HSPA4L: variants seen among roughly 807,000 people sequenced by gnomAD.
HSPA4L encodes heat shock protein family A (Hsp70) member 4 like.
Under a neutral mutation model 100.3 loss-of-function variants are expected in HSPA4L, and 48 were observed. The ratio of observed to expected loss-of-function variants is 0.48; its 90% CI spans 0.38 to 0.61. The LOEUF (loss-of-function observed/expected upper bound fraction) is 0.61, where lower values mean the gene tolerates loss of function less well. Ranked by LOEUF, HSPA4L falls within the 20% of genes least tolerant of loss-of-function variation. HSPA4L has a pLI of 0.00. For missense variants in HSPA4L, 886 were observed against 988.6 expected, an observed-to-expected ratio of 0.90 and a Z score of 1.39; for synonymous variants, 319 against 328.2, an observed-to-expected ratio of 0.97 and a Z score of 0.30.
rs1734302545 is a variant in HSPA4L at position 127,839,110 on chromosome 4, C to G, written c.*6236C>G. ...TCCAAATATCAATTTGACAGAATAA[C>G]AAGGGTCAGAAATTCAAAATAGCTG... On this transcript the variant is annotated 3_prime_UTR_variant, in exon 19 of 19. Coordinates refer to ENST00000296464, the MANE Select transcript of HSPA4L (RefSeq NM_014278.4). 6.6e-6 allele frequency: 1 copy of G among 152,120 alleles called. No homozygotes were observed. The highest frequency in any genetic ancestry group is 1.5e-5 in the Non-Finnish European group (1 of 68,024). The allele number at this position is 152,120 out of a possible 1,614,324, so 9.4% of individuals were successfully genotyped here.
At position 127,838,692 on chromosome 4, in the gene HSPA4L, CTT is replaced by C. The variant is rs1268168599; in HGVS notation, c.*5820_*5821del. On this transcript the variant is annotated 3_prime_UTR_variant, in exon 19 of 19. Transcript: ENST00000296464. Reference sequence around the variant, plus strand: ...CATATAAACTATAAATGAAAATGATCTTTGTCTTTCCTTTATCTTGCTTTATC... The same window carrying C: ...CATATAAACTATAAATGAAAATGATCTGTCTTTCCTTTATCTTGCTTTATC... 7.2e-5 allele frequency: 11 copies of C among 152,114 alleles called. No homozygotes were observed. Among genetic ancestry groups the C allele is most frequent in the South Asian group, 2.1e-4 (1 of 4,820 alleles). 9.4% of individuals were successfully genotyped at this position (152,114 alleles called of 1,614,324 possible).
At chr4:127,816,822 T>C (rs1167768455) in intron 12 of HSPA4L, among the ~76,000 whole-genome samples, 1 of 152,224 alleles carries the variant, frequency 6.6e-6, no homozygotes, top group Non-Finnish European at 1.5e-5. Flanking sequence ...AAATAACTAC[T>C]TAATCTGGTT....
In HSPA4L at chr4:127,795,868, A is replaced by T. The variant is rs767103769; in HGVS notation, c.266A>T (p.Tyr89Phe). The T allele has an allele frequency of 1.2e-6, 2 of 1,613,772 alleles. No individual in the cohort carries two copies. The highest frequency in any genetic ancestry group is 3.3e-4 in the Middle Eastern group (2 of 6,058). The change falls in exon 3 of 19, where the codon TAT becomes TTT. Residue 89 changes from tyrosine to phenylalanine, a missense_variant. Physicochemically the swap from Tyr to Phe is conservative, Grantham distance 22. Transcript: ENST00000296464. ...IVQTERIRLPYELQKMPNGSA... is the reference protein window; with the variant it reads ...IVQTERIRLPFELQKMPNGSA... ...CAAACTGAAAGGATCAGGCTTCCCT[A>T]TGAACTGCAGAAAATGCCTAATGGA...
At chr4:127,812,980 A>G in intron 12 of HSPA4L, 3 of 807,120 alleles carry the variant, frequency 3.7e-6, no homozygotes, top group East Asian at 2.5e-5. Context: ...GTTTACAACA[A>G]TGCCAACAGC....
chr4:127,807,905 G>T, intron 10 of HSPA4L, 91 bp from the exon 11 acceptor site: 1 of 1,281,172 alleles, frequency 7.8e-7, no homozygotes, highest in Admixed American at 2.5e-5. Context: ...TGCAGTTGCT[G>T]CTAATGAATT....
At chr4:127,795,565 AT>A (rs1213453453) in intron 2 of HSPA4L, among the ~76,000 whole-genome samples, 6 of 152,136 alleles carry the variant, frequency 3.9e-5, no homozygotes, top group Non-Finnish European at 8.8e-5. Flanking sequence ...TAGGTGGATA[AT>A]TTGGGAGGCA....
chr4:127,810,620 A>G (rs1476995475), intron 11 of HSPA4L, among the ~76,000 whole-genome samples: 1 of 152,038 alleles, frequency 6.6e-6, no homozygotes, highest in African/African-American at 2.4e-5. Flanking sequence ...TTAGCTAGAC[A>G]TGGTACCATG....
In HSPA4L at chr4:127,833,983, G is replaced by A. The variant is rs949693119; in HGVS notation, c.*1109G>A. 1 of 152,130 alleles carries A rather than the reference G, an allele frequency of 6.6e-6. No homozygotes were observed. Among genetic ancestry groups the A allele is most frequent in the African/African-American group, 2.4e-5 (1 of 41,434 alleles). 9.4% of individuals were successfully genotyped at this position (152,130 alleles called of 1,614,324 possible). A position where few individuals can be genotyped will look rare whatever the true frequency, so the allele number is the denominator to read the frequency against. The stretch of plus-strand genomic sequence containing the variant: ...CATAGTGTTGTGTGATTAAATTATA[G>A]TTCCTGCTGTTAACATTACCTTTTG... On this transcript the variant is annotated 3_prime_UTR_variant, in exon 19 of 19. Coordinates refer to ENST00000296464, the MANE Select transcript of HSPA4L (RefSeq NM_014278.4).
rs1734162589 is a variant in HSPA4L at position 127,834,584 on chromosome 4, G to A, written c.*1710G>A. On this transcript the variant is annotated 3_prime_UTR_variant, in exon 19 of 19. Coordinates refer to ENST00000296464, the MANE Select transcript of HSPA4L (RefSeq NM_014278.4). The stretch of plus-strand genomic sequence containing the variant: ...AACTTTCTCTTAATTCTCTTAAAAT[G>A]AAATAGGTATATCCAATAGGTGATG... 1 of 152,100 alleles carries A rather than the reference G, an allele frequency of 6.6e-6. No homozygotes were observed. Among genetic ancestry groups the A allele is most frequent in the East Asian group, 1.9e-4 (1 of 5,200 alleles). The allele number at this position is 152,100 out of a possible 1,614,324, so 9.4% of individuals were successfully genotyped here.
At chr4:127,804,476 C>T (rs187305490) in intron 8 of HSPA4L, among the ~76,000 whole-genome samples, 63 of 152,126 alleles carry the variant, frequency 4.1e-4, no homozygotes, top group East Asian at 1.9e-3. Context: ...CATGATGGTG[C>T]GCACCTGTAA....
At chr4:127,799,187 T>C (rs1207611803) in intron 4 of HSPA4L, among the ~76,000 whole-genome samples, 1 of 152,158 alleles carries the variant, frequency 6.6e-6, no homozygotes, top group Non-Finnish European at 1.5e-5. Context: ...TAAATTGATA[T>C]ATTCCTACTA....
intron 12 of HSPA4L, among the ~76,000 whole-genome samples, chr4:127,817,396 A>G (rs889233197): frequency 1.3e-5 from 2 of 152,196 alleles, no homozygotes; most frequent in Admixed American, 6.5e-5. Flanking sequence ...CTTTTATTCA[A>G]GATAGCTTTC....
chr4:127,810,372 C>T (rs72616952), intron 11 of HSPA4L, among the ~76,000 whole-genome samples: 4,623 of 152,184 alleles, frequency 0.03, 302 homozygotes, highest in East Asian at 0.26. Context: ...GCTAGGGCTG[C>T]TATAACAAAG....
intron 12 of HSPA4L, chr4:127,813,299 T>C (rs1415448546): frequency 1.5e-6 from 1 of 679,170 alleles, no homozygotes; most frequent in East Asian, 2.7e-5. Flanking sequence ...TTGCTTTTTG[T>C]TTTTATTAAT....
chr4:127,805,901 C>G (rs1430422880), intron 10 of HSPA4L, 108 bp downstream of exon 10: 2 of 624,650 alleles, frequency 3.2e-6, no homozygotes, highest in Admixed American at 5.9e-5. Context: ...CTGCCAAATA[C>G]TTTAAAATAA....
intron 2 of HSPA4L, among the ~76,000 whole-genome samples, chr4:127,794,526 C>T (rs1236958012): frequency 6.6e-6 from 1 of 151,978 alleles, no homozygotes; most frequent in Non-Finnish European, 1.5e-5. Flanking sequence ...TCCAGAGTAA[C>T]TCAACGTGGC....
intron 4 of HSPA4L, among the ~76,000 whole-genome samples, chr4:127,800,918 G>T (rs1481987142): frequency 6.6e-6 from 1 of 152,078 alleles, no homozygotes; most frequent in African/African-American, 2.4e-5. Context: ...AGGCAACTCT[G>T]CCATATTACC....
At chr4:127,828,274 T>C (rs569002958) in intron 17 of HSPA4L, among the ~76,000 whole-genome samples, 134 of 152,212 alleles carry the variant, frequency 8.8e-4, no homozygotes, top group Middle Eastern at 3.4e-3. Flanking sequence ...GTTTTTGTCA[T>C]TGATGTTAAA....
chr4:127,813,276 C>A, intron 12 of HSPA4L: 1 of 740,856 alleles, frequency 1.3e-6, no homozygotes. Flanking sequence ...ACAGTTTCTC[C>A]CTTTTTTTAA....
Sources: allele counts gnomAD v4.1 joint callset (sites outside exome capture counted in the v4.1 genomes callset), GRCh38; gene constraint gnomAD v4.1.1; transcripts MANE v1.5; gene names NCBI Gene and HGNC (gene_info 2026-07-23, HGNC 2026-07-21).